RGPD2: variants seen among roughly 807,000 people sequenced by gnomAD.
RGPD2 encodes the protein RANBP2-like and GRIP domain-containing protein 2.
Under a neutral mutation model 36.0 loss-of-function variants are expected in RGPD2, and 2 were observed. That is an observed-to-expected ratio of 0.06 (90% confidence interval 0.02 to 0.17). The LOEUF is 0.17. Ranked by LOEUF, RGPD2 falls within the 10% of genes least tolerant of loss-of-function variation. The probability of loss-of-function intolerance (pLI) is 1.00; values close to 1 mark genes in which losing one functional copy is unlikely to be tolerated. For missense variants in RGPD2, 40 were observed against 464.3 expected (o/e 0.09, Z 8.40); for synonymous variants, 19 against 163.8 (o/e 0.12, Z 6.75).
At chr2:87,839,537 G>A in the RGPD2 span, among the ~76,000 whole-genome samples, 1 of 152,014 alleles carries the variant, frequency 6.6e-6, no homozygotes, top group Admixed American at 6.6e-5. Flanking sequence ...CCCATCAGTG[G>A]AGGACTGGAT....
At chr2:87,915,084 T>C in the RGPD2 span, among the ~76,000 whole-genome samples, 17 of 151,386 alleles carry the variant, frequency 1.1e-4, no homozygotes, top group African/African-American at 3.4e-4. Context: ...GAGGTGGAGG[T>C]TGCAGTGAGC....
the RGPD2 span, among the ~76,000 whole-genome samples, chr2:87,949,143 G>GA: frequency 8.5e-3 from 1,188 of 140,520 alleles, 17 homozygotes; most frequent in African/African-American, 0.028. Context: ...GAGACTGTCT[G>GA]AAAAAAAAAA....
At chr2:87,840,498 C>A in the RGPD2 span, among the ~76,000 whole-genome samples, 1 of 151,662 alleles carries the variant, frequency 6.6e-6, no homozygotes. Flanking sequence ...CCAGAAAAAA[C>A]ATAAATGAAC....
chr2:87,967,259 T>A, the RGPD2 span, among the ~76,000 whole-genome samples: 3 of 145,362 alleles, frequency 2.1e-5, no homozygotes, highest in Non-Finnish European at 3.0e-5. Context: ...TACAAAAAAA[T>A]TAGCTGGGCA....
the RGPD2 span, among the ~76,000 whole-genome samples, chr2:87,944,162 CA>C: frequency 7.5e-6 from 1 of 133,284 alleles, no homozygotes; most frequent in African/African-American, 2.8e-5. Context: ...GGGAATTTTT[CA>C]AAAATTTTTA....
chr2:87,949,128 A>G, the RGPD2 span, among the ~76,000 whole-genome samples: 1 of 151,836 alleles, frequency 6.6e-6, no homozygotes, highest in Admixed American at 6.6e-5. Context: ...CTGGGCAACC[A>G]GAGTGAGACT....
the RGPD2 span, among the ~76,000 whole-genome samples, chr2:87,972,450 G>A: frequency 8.8e-6 from 1 of 114,026 alleles, no homozygotes; most frequent in African/African-American, 3.5e-5. Context: ...TATTTTACTT[G>A]AATAAACTGG....
intron 1 of RGPD2, among the ~76,000 whole-genome samples, chr2:87,822,125 C>T (rs1642689851): frequency 6.6e-6 from 1 of 152,206 alleles, no homozygotes; most frequent in Non-Finnish European, 1.5e-5. Flanking sequence ...AGGGTGAAGG[C>T]CGTGATTATA....
At chr2:87,885,160 A>G in the RGPD2 span, among the ~76,000 whole-genome samples, 1 of 152,064 alleles carries the variant, frequency 6.6e-6, no homozygotes, top group African/African-American at 2.4e-5. Flanking sequence ...TACCATGATC[A>G]AGTGGGATTT....
chr2:87,972,963 A>C, the RGPD2 span: 1 of 1,614,064 alleles, frequency 6.2e-7, no homozygotes, highest in South Asian at 1.1e-5. Flanking sequence ...GGGGCATGCC[A>C]TGGGGCTGGT....
chr2:87,880,188 G>T, the RGPD2 span, among the ~76,000 whole-genome samples: 1 of 150,944 alleles, frequency 6.6e-6, no homozygotes, highest in Non-Finnish European at 1.5e-5. Flanking sequence ...AGTAGTTTGA[G>T]TTAATTGTAC....
chr2:87,841,244 T>C, the RGPD2 span, among the ~76,000 whole-genome samples: 103 of 151,812 alleles, frequency 6.8e-4, no homozygotes, highest in Non-Finnish European at 1.1e-3. Context: ...GCTCCTGCTC[T>C]GGCCTTGTGA....
the RGPD2 span, among the ~76,000 whole-genome samples, chr2:87,960,054 TG>T: frequency 8.9e-4 from 23 of 25,780 alleles, 5 homozygotes; most frequent in East Asian, 3.1e-3. Flanking sequence ...AGTTTCTTTT[TG>T]GGGGGGCTGG....
At chr2:87,937,854 A>C in the RGPD2 span, among the ~76,000 whole-genome samples, 2 of 149,430 alleles carry the variant, frequency 1.3e-5, no homozygotes, top group Non-Finnish European at 3.0e-5. Context: ...AAGGAGGTAG[A>C]TGTCAATTAC....
the RGPD2 span, among the ~76,000 whole-genome samples, chr2:87,988,543 T>TATATATATATATATATATATATATA: frequency 7.2e-5 from 2 of 27,820 alleles, no homozygotes; most frequent in Non-Finnish European, 1.5e-4. Flanking sequence ...ATATATATAT[T>TATATATATATATATATATATATATA]TTTTTTTTTT....
chr2:87,980,035 C>A, the RGPD2 span, among the ~76,000 whole-genome samples: 1 of 151,208 alleles, frequency 6.6e-6, no homozygotes, highest in Non-Finnish European at 1.5e-5. Flanking sequence ...TTTAAAAAAA[C>A]ATATTTGGAC....
chr2:87,873,687 A>T, the RGPD2 span, among the ~76,000 whole-genome samples: 2 of 152,128 alleles, frequency 1.3e-5, no homozygotes, highest in African/African-American at 4.8e-5. Flanking sequence ...CCTCACAATC[A>T]GGGTGGAAGG....
At chr2:87,919,275 T>C in the RGPD2 span, among the ~76,000 whole-genome samples, 3 of 151,786 alleles carry the variant, frequency 2.0e-5, no homozygotes, top group Non-Finnish European at 4.4e-5. Context: ...GCCTTCAGTT[T>C]CTTCATCTCT....
At chr2:87,939,616 GT>G in the RGPD2 span, among the ~76,000 whole-genome samples, 1 of 151,854 alleles carries the variant, frequency 6.6e-6, no homozygotes, top group East Asian at 1.9e-4. Context: ...ATCCAAGATG[GT>G]TATTTATGGT....
Sources: allele counts gnomAD v4.1 joint callset (sites outside exome capture counted in the v4.1 genomes callset), GRCh38; gene constraint gnomAD v4.1.1; transcripts MANE v1.5; gene names NCBI Gene and HGNC (gene_info 2026-07-23, HGNC 2026-07-21).